DACH2: variants seen among roughly 807,000 people sequenced by gnomAD.
DACH2 encodes the protein dachshund homolog 2.
DACH2 carries 17 observed loss-of-function variants against 35.8 expected under a neutral mutation model. The observed-to-expected ratio is 0.48, with a 90% CI of 0.33 to 0.71. The LOEUF (loss-of-function observed/expected upper bound fraction) is 0.71, where lower values mean the gene tolerates loss of function less well. Ranked by LOEUF, DACH2 falls within the 30% of genes least tolerant of loss-of-function variation. The probability of loss-of-function intolerance (pLI) is 0.02; values close to 1 mark genes in which losing one functional copy is unlikely to be tolerated. For missense variants in DACH2, 469 were observed against 472.7 expected (o/e 0.99, Z 0.07); for synonymous variants, 195 against 177.3 (o/e 1.10, Z -0.79).
chrX:86,365,336 TA>T (rs371019386), intron 1 of DACH2, among the ~76,000 whole-genome samples: 35 of 101,218 alleles, frequency 3.5e-4, no homozygotes, highest in South Asian at 1.3e-3. Flanking sequence ...AACTTGCATG[TA>T]AAAAAAAAAA....
intron 4 of DACH2, among the ~76,000 whole-genome samples, chrX:86,658,165 A>G (rs1205146576): frequency 1.8e-5 from 2 of 111,726 alleles, no homozygotes; most frequent in Admixed American, 1.9e-4. Context: ...GAGAGCACAT[A>G]CTTCATGACC....
chrX:86,436,180 C>G (rs187826047), intron 2 of DACH2, among the ~76,000 whole-genome samples: 2 of 110,723 alleles, frequency 1.8e-5, no homozygotes, highest in Non-Finnish European at 3.8e-5. Flanking sequence ...CCTGAAATCT[C>G]TATTAAAAAA....
intron 1 of DACH2, among the ~76,000 whole-genome samples, chrX:86,155,708 A>G (rs949652170): frequency 1.8e-5 from 2 of 111,435 alleles, no homozygotes; most frequent in African/African-American, 6.5e-5. Context: ...AGCTTTCTGA[A>G]GAATATATAT....
At chrX:86,808,545 T>C (rs1411703367) in intron 7 of DACH2, among the ~76,000 whole-genome samples, 1 of 110,481 alleles carries the variant, frequency 9.1e-6, no homozygotes, top group Admixed American at 9.7e-5. Context: ...ACAAGTCACA[T>C]TACACAGCAG....
rs770256427 is a variant in DACH2, at chrX:86,802,812, TGGAA to T, written c.1241-10041_1241-10038del. Among the ~76,000 whole-genome samples the T allele has an allele frequency of 3.6e-3, 405 of 111,381 alleles. 2 individuals are homozygous for T. The highest frequency in any genetic ancestry group is 0.013 in the African/African-American group (394 of 30,650). On this transcript the variant is annotated intron_variant, in intron 7 of 11. Coordinates refer to ENST00000373125, the MANE Select transcript of DACH2 (RefSeq NM_053281.3). ...GCCGGAGTGACAAAACATTATCACC[TGGAA>T]GGGTCATCTAATTTATGGAAATGGG...
chrX:86,560,245 C>T (rs1290643680), intron 3 of DACH2, among the ~76,000 whole-genome samples: 1 of 66,822 alleles, frequency 1.5e-5, no homozygotes, highest in Non-Finnish European at 2.7e-5. Context: ...AAATTCTTTT[C>T]TTTAAGAATG....
intron 1 of DACH2, among the ~76,000 whole-genome samples, chrX:86,229,687 T>G (rs2032906031): frequency 9.8e-6 from 1 of 102,125 alleles, no homozygotes; most frequent in South Asian, 4.2e-4. Context: ...TTTGACTCCT[T>G]TGTGAGGTAT....
chrX:86,691,652 G>T (rs2041011909), intron 4 of DACH2, among the ~76,000 whole-genome samples: 1 of 111,292 alleles, frequency 9.0e-6, no homozygotes, highest in Non-Finnish European at 1.9e-5. Context: ...GAGGACATAG[G>T]GGAAAACACA....
intron 3 of DACH2, among the ~76,000 whole-genome samples, chrX:86,644,573 T>G (rs2040391684): frequency 9.0e-6 from 1 of 111,029 alleles, no homozygotes. Context: ...AAAAATAAAT[T>G]TATATGGAAC....
intron 4 of DACH2, among the ~76,000 whole-genome samples, chrX:86,686,425 G>A (rs1367936669): frequency 3.7e-5 from 4 of 109,345 alleles, no homozygotes; most frequent in African/African-American, 1.3e-4. Flanking sequence ...TAGAGATAGG[G>A]TTTCACCATG....
At chrX:86,766,476 T>G (rs1315403929) in intron 7 of DACH2, among the ~76,000 whole-genome samples, 1 of 111,635 alleles carries the variant, frequency 9.0e-6, no homozygotes, top group Non-Finnish European at 1.9e-5. Flanking sequence ...ATGCTAATAG[T>G]AAGCTCTTGC....
intron 1 of DACH2, among the ~76,000 whole-genome samples, chrX:86,177,197 C>A (rs1192556997): frequency 8.9e-6 from 1 of 112,133 alleles, no homozygotes; most frequent in Non-Finnish European, 1.9e-5. Flanking sequence ...CACCCTGTGG[C>A]AGCACATAAC....
chrX:86,344,450 A>G (rs2035465455), intron 1 of DACH2, among the ~76,000 whole-genome samples: 1 of 108,870 alleles, frequency 9.2e-6, no homozygotes, highest in East Asian at 2.9e-4. Context: ...CTAGGCTTGA[A>G]ACCTTATGTT....
At chrX:86,432,982 T>C (rs970528724) in intron 2 of DACH2, among the ~76,000 whole-genome samples, 3 of 111,705 alleles carry the variant, frequency 2.7e-5, no homozygotes, top group African/African-American at 9.7e-5. Flanking sequence ...ACCCAGACTC[T>C]TCAGTTTATA....
chrX:86,649,870 T>C (rs1277481430), intron 3 of DACH2, among the ~76,000 whole-genome samples: 1 of 111,173 alleles, frequency 9.0e-6, no homozygotes, highest in East Asian at 2.8e-4. Context: ...AACCAATATT[T>C]GCCTTCTTTT....
intron 2 of DACH2, among the ~76,000 whole-genome samples, chrX:86,415,199 A>G (rs2036682682): frequency 8.9e-6 from 1 of 112,037 alleles, no homozygotes; most frequent in African/African-American, 3.2e-5. Context: ...AAAAACTAAG[A>G]CATAAAGCAA....
Position 86,148,494 on chromosome X carries a change from C to G in DACH2, c.-127C>G. ...GCGTGAGCCGGCTGCTGAAGACTTG[C>G]GAACAGTTCGGAGCCAGCGAGAGCG... On this transcript the variant is annotated 5_prime_UTR_variant, in exon 1 of 12. Transcript: ENST00000373125. 1.2e-6 allele frequency: 1 copy of G among 806,203 alleles called. No homozygotes were observed. 66.4% of individuals were successfully genotyped at this position (806,203 alleles called of 1,213,427 possible). A position where few individuals can be genotyped will look rare whatever the true frequency, so the allele number is the denominator to read the frequency against.
intron 1 of DACH2, among the ~76,000 whole-genome samples, chrX:86,301,043 ATGTT>A (rs758552347): frequency 8.9e-6 from 1 of 112,103 alleles, no homozygotes; most frequent in African/African-American, 3.2e-5. Context: ...AAAGAATACA[ATGTT>A]TGTGTTATTT....
At chrX:86,248,019 T>C (rs1384922358) in intron 1 of DACH2, among the ~76,000 whole-genome samples, 1 of 110,458 alleles carries the variant, frequency 9.1e-6, no homozygotes, top group Non-Finnish European at 1.9e-5. Context: ...CTCAACAAAC[T>C]AGGCATTAAA....
Sources: allele counts gnomAD v4.1 joint callset (sites outside exome capture counted in the v4.1 genomes callset), GRCh38; gene constraint gnomAD v4.1.1; transcripts MANE v1.5; gene names NCBI Gene and HGNC (gene_info 2026-07-23, HGNC 2026-07-21).